The following SMAD1 variants were observed in gnomAD, a reference collection of about 807,000 sequenced individuals.
SMAD1 encodes the protein MAD, mothers against decapentaplegic homolog 1.
A neutral mutation model predicts 41.6 loss-of-function variants in SMAD1; 6 were observed. The observed-to-expected ratio is 0.14, with a 90% CI of 0.08 to 0.28. The LOEUF (loss-of-function observed/expected upper bound fraction) is 0.28, where lower values mean the gene tolerates loss of function less well. Ranked by LOEUF, SMAD1 falls within the 10% of genes least tolerant of loss-of-function variation. The pLI, the probability that SMAD1 is intolerant of heterozygous loss-of-function variation, is 1.00. For synonymous variants in SMAD1, 206 were observed against 203.2 expected, an observed-to-expected ratio of 1.01 and a Z score of -0.12; for missense variants, 379 against 582.6, an observed-to-expected ratio of 0.65 and a Z score of 3.60.
chr4:145,483,756 G>A (rs1451743344), intron 1 of SMAD1, among the ~76,000 whole-genome samples: 1 of 152,186 alleles, frequency 6.6e-6, no homozygotes, highest in Non-Finnish European at 1.5e-5. Flanking sequence ...TGATGCCAGA[G>A]CCTCTAGAGG....
intron 4 of SMAD1, among the ~76,000 whole-genome samples, chr4:145,543,932 TTTATTAAAATAGGAGATAC>T (rs1295900941): frequency 8.3e-4 from 126 of 152,350 alleles, no homozygotes; most frequent in Non-Finnish European, 7.9e-4. Context: ...TTAGTGCTTT[TTTATTAAAATAGGAGATAC>T]TTATTAAAAT....
chr4:145,497,132 A>G (rs1368107418), intron 1 of SMAD1: 4 of 152,236 alleles, frequency 2.6e-5, no homozygotes, highest in East Asian at 3.8e-4. Flanking sequence ...AATATAAATG[A>G]TTAAAAGCTT....
At chr4:145,557,690 A>G in intron 6 of SMAD1, 101 bp from the exon 7 acceptor site, 1 of 871,294 alleles carries the variant, frequency 1.1e-6, no homozygotes, top group East Asian at 2.7e-5. Context: ...GGAAAGATGC[A>G]TAGCTTTAAT....
intron 1 of SMAD1, among the ~76,000 whole-genome samples, chr4:145,508,080 A>ATTTT (rs35756866): frequency 7.2e-6 from 1 of 138,446 alleles, no homozygotes; most frequent in African/African-American, 2.7e-5. Context: ...CTTGGTTTAG[A>ATTTT]TTTTTTTTTT....
At chr4:145,534,352 TCTTTA>T (rs1422057836) in intron 2 of SMAD1, among the ~76,000 whole-genome samples, 3 of 152,348 alleles carry the variant, frequency 2.0e-5, no homozygotes, top group Non-Finnish European at 2.9e-5. Flanking sequence ...AAGATATTAA[TCTTTA>T]CTTAATTTAT....
At chr4:145,489,195 G>T (rs1303093693) in intron 1 of SMAD1, among the ~76,000 whole-genome samples, 1 of 152,216 alleles carries the variant, frequency 6.6e-6, no homozygotes, top group African/African-American at 2.4e-5. Context: ...CAGAGGCAGT[G>T]AGCAGCCCTG....
chr4:145,485,487 C>G (rs1728439327), intron 1 of SMAD1, among the ~76,000 whole-genome samples: 1 of 152,174 alleles, frequency 6.6e-6, no homozygotes, highest in Non-Finnish European at 1.5e-5. Flanking sequence ...CCATACTGGA[C>G]AGCGTGTATA....
At chr4:145,526,041 T>A (rs6848098) in intron 2 of SMAD1, among the ~76,000 whole-genome samples, 1 of 152,122 alleles carries the variant, frequency 6.6e-6, no homozygotes, top group South Asian at 2.1e-4. Context: ...AGATGCTGCT[T>A]TTCTTAGTTC....
chr4:145,554,391 A>G (rs894854783), intron 6 of SMAD1, among the ~76,000 whole-genome samples: 1 of 152,128 alleles, frequency 6.6e-6, no homozygotes, highest in Non-Finnish European at 1.5e-5. Flanking sequence ...GAGTAAGCAT[A>G]TCTTCCTTCC....
At chr4:145,541,583 A>G (rs1269216376) in intron 3 of SMAD1, among the ~76,000 whole-genome samples, 1 of 152,196 alleles carries the variant, frequency 6.6e-6, no homozygotes, top group African/African-American at 2.4e-5. Flanking sequence ...TCTCAGTACT[A>G]TGAGTTGTTG....
chr4:145,491,577 A>C (rs1728769098), intron 1 of SMAD1, among the ~76,000 whole-genome samples: 1 of 152,198 alleles, frequency 6.6e-6, no homozygotes, highest in Non-Finnish European at 1.5e-5. Context: ...CAGTCTGGGA[A>C]GACTGGGCTT....
chr4:145,513,683 A>T (rs1730218018), intron 1 of SMAD1, among the ~76,000 whole-genome samples: 2 of 152,232 alleles, frequency 1.3e-5, no homozygotes, highest in Admixed American at 1.3e-4. Context: ...AACCAAAAAA[A>T]CAGAGATATT....
rs554535498 is a variant in SMAD1 at position 145,550,730 on chromosome 4, A to C, written c.998-3054A>C. Among the ~76,000 whole-genome samples the C allele has an allele frequency of 7.9e-5, 12 of 152,316 alleles. No homozygotes were observed. In the South Asian group the frequency reaches 2.5e-3, roughly 32 times the overall value. On this transcript the variant is annotated intron_variant, in intron 5 of 6. Coordinates refer to ENST00000302085, the MANE Select transcript of SMAD1 (RefSeq NM_005900.3). ...AAAATTATGTAAGTCAGTTTCCTTT[A>C]ATCTGGTAATAACCAGTTAGAAATA...
At chr4:145,503,074 A>G (rs147678174) in intron 1 of SMAD1, 50 of 152,292 alleles carry the variant, frequency 3.3e-4, no homozygotes, top group African/African-American at 1.2e-3. Flanking sequence ...CCAACCCCCA[A>G]TTTCTCCAGA....
At chr4:145,555,649 ATTTACT>A (rs757614284) in intron 6 of SMAD1, among the ~76,000 whole-genome samples, 126 of 152,350 alleles carry the variant, frequency 8.3e-4, no homozygotes, top group Non-Finnish European at 1.5e-3. Context: ...AGTTTTAATA[ATTTACT>A]TTTACACAAG....
At position 145,558,147 on chromosome 4, in the gene SMAD1, T is replaced by A. The variant is rs1732954109; in HGVS notation, c.*213T>A. 2 of 380,044 alleles carry A rather than the reference T, an allele frequency of 5.3e-6. No homozygotes were observed. The highest frequency in any genetic ancestry group is 9.3e-6 in the Non-Finnish European group (2 of 214,244). 23.5% of individuals were successfully genotyped at this position (380,044 alleles called of 1,614,324 possible). The stretch of plus-strand genomic sequence containing the variant: ...ATATCAAGAACCTGTTTAGTTTACA[T>A]TGTAACATTCTATTGTAAAATCAAC... On this transcript the variant is annotated 3_prime_UTR_variant, in exon 7 of 7. Transcript: ENST00000302085.
chr4:145,485,855 A>C (rs1158567754), intron 1 of SMAD1, among the ~76,000 whole-genome samples: 1 of 152,208 alleles, frequency 6.6e-6, no homozygotes, highest in Non-Finnish European at 1.5e-5. Context: ...TATCTCATTT[A>C]AGCCTCAAAA....
chr4:145,500,827 C>T (rs1408271334), intron 1 of SMAD1, among the ~76,000 whole-genome samples: 1 of 152,036 alleles, frequency 6.6e-6, no homozygotes, highest in Non-Finnish European at 1.5e-5. Context: ...TATTTGTGAA[C>T]CTGCTTTGTT....
intron 1 of SMAD1, among the ~76,000 whole-genome samples, chr4:145,510,516 T>C (rs1578766460): frequency 6.6e-6 from 1 of 152,298 alleles, no homozygotes; most frequent in East Asian, 1.9e-4. Context: ...TTGGGTTATT[T>C]TAAAGTTTGG....
Sources: gnomAD v4.1 joint callset for allele counts (sites outside exome capture counted in the v4.1 genomes callset) on GRCh38, gnomAD v4.1.1 for gene constraint, MANE v1.5 for transcripts, NCBI Gene and HGNC (gene_info 2026-07-23, HGNC 2026-07-21) for gene names.